Variants in LRP1B observed in about 807,000 individuals in gnomAD.
LRP1B encodes the protein low-density lipoprotein receptor-related protein 1B.
In LRP1B, 217 loss-of-function variants were observed where a neutral mutation model predicts 556.6. The observed-to-expected ratio is 0.39, with a 90% CI of 0.35 to 0.44. The LOEUF is 0.44. Among genes scored for constraint, LRP1B ranks in the 20% least tolerant of loss-of-function variants. LRP1B has a pLI of 1.00. For missense variants in LRP1B, 5,053 were observed against 5,620.8 expected (o/e 0.90, Z 3.23); for synonymous variants, 2,047 against 1,865.8 (o/e 1.10, Z -2.50).
chr2:141,627,888 G>A (rs1377026932), intron 2 of LRP1B, among the ~76,000 whole-genome samples: 1 of 152,238 alleles, frequency 6.6e-6, no homozygotes, highest in Non-Finnish European at 1.5e-5. Flanking sequence ...GGGGAGGTCA[G>A]AAAGTAGAGA....
chr2:140,293,276 A>T lies in LRP1B; in HGVS notation c.12967+4532T>A, dbSNP rs77335472. Among the ~76,000 whole-genome samples the T allele has an allele frequency of 4.7e-3, 711 of 152,308 alleles. 3 individuals carry two copies. Among genetic ancestry groups the T allele is most frequent in the Non-Finnish European group, 7.6e-3 (518 of 68,010 alleles). ...GATATTGGTTAACCTCATGCTTAAC[A>T]CCTAGATTTAAATCCAAAATGTCAT... On this transcript the variant is annotated intron_variant, in intron 84 of 90. Coordinates refer to ENST00000389484, the MANE Select transcript of LRP1B (RefSeq NM_018557.3).
At chr2:141,866,788 A>G (rs945027770) in intron 1 of LRP1B, among the ~76,000 whole-genome samples, 2 of 151,728 alleles carry the variant, frequency 1.3e-5, no homozygotes, top group Non-Finnish European at 2.9e-5. Context: ...ACAGGATATG[A>G]GGTAAGAGAA....
At chr2:141,239,347 A>G (rs534948431) in intron 5 of LRP1B, among the ~76,000 whole-genome samples, 1 of 152,260 alleles carries the variant, frequency 6.6e-6, no homozygotes, top group East Asian at 1.9e-4. Context: ...GCGATTAAAG[A>G]GCAGAGCAAA....
chr2:140,254,108 T>C (rs16843685), intron 86 of LRP1B, among the ~76,000 whole-genome samples: 5,786 of 152,182 alleles, frequency 0.038, 374 homozygotes, highest in African/African-American at 0.13. Context: ...TCCTATTTCT[T>C]AGGGTCTCAG....
intron 43 of LRP1B, among the ~76,000 whole-genome samples, chr2:140,542,680 C>T (rs1056608434): frequency 3.9e-5 from 6 of 152,086 alleles, no homozygotes; most frequent in Non-Finnish European, 8.8e-5. Flanking sequence ...TTATAGGTAG[C>T]AGCACACACA....
chr2:141,771,297 T>A (rs1006272132), intron 2 of LRP1B, among the ~76,000 whole-genome samples: 14 of 152,176 alleles, frequency 9.2e-5, no homozygotes, highest in African/African-American at 3.4e-4. Flanking sequence ...ACAAGGCAGG[T>A]ACCTAACTGC....
At chr2:140,804,044 CA>C (rs953747395) in intron 32 of LRP1B, among the ~76,000 whole-genome samples, 5 of 149,492 alleles carry the variant, frequency 3.3e-5, no homozygotes, top group Admixed American at 1.3e-4. Context: ...TTTTTACATT[CA>C]GGGGAAGAGA....
At chr2:141,122,272 G>A (rs1701072742) in intron 7 of LRP1B, among the ~76,000 whole-genome samples, 1 of 152,022 alleles carries the variant, frequency 6.6e-6, no homozygotes, top group South Asian at 2.1e-4. Flanking sequence ...AAACTAAAGA[G>A]CTTCTGCACA....
chr2:141,553,837 T>C (rs1685850212), intron 2 of LRP1B, among the ~76,000 whole-genome samples: 1 of 137,702 alleles, frequency 7.3e-6, no homozygotes, highest in Admixed American at 7.7e-5. Flanking sequence ...GTATATAATA[T>C]ATCTATATTA....
intron 31 of LRP1B, among the ~76,000 whole-genome samples, chr2:140,831,425 G>A (rs1573777046): frequency 6.6e-6 from 1 of 152,082 alleles, no homozygotes; most frequent in African/African-American, 2.4e-5. Context: ...ATGGTAGAAA[G>A]GACAATATCT....
rs1442978010 is a variant in LRP1B at position 142,044,544 on chromosome 2, A to G, written c.82+86104T>C. Among the ~76,000 whole-genome samples the G allele has an allele frequency of 2.0e-5, 3 of 151,828 alleles. No individual in the cohort carries two copies. In the East Asian group the frequency reaches 5.8e-4, roughly 29 times the overall value. ...AAACACTTATCTGTACTAAGACACTATAAACACATACCTGCTGGCACTTTC... is the reference window on the plus strand; with the variant it reads ...AAACACTTATCTGTACTAAGACACTGTAAACACATACCTGCTGGCACTTTC... On this transcript the variant is annotated intron_variant, in intron 1 of 90. Coordinates refer to ENST00000389484, the MANE Select transcript of LRP1B (RefSeq NM_018557.3).
intron 41 of LRP1B, among the ~76,000 whole-genome samples, chr2:140,615,480 G>A (rs1199700205): frequency 6.6e-6 from 1 of 152,094 alleles, no homozygotes; most frequent in African/African-American, 2.4e-5. Context: ...CTATCTCAGT[G>A]AATCGGCTCT....
At chr2:141,235,063 G>T (rs1338403167) in intron 5 of LRP1B, among the ~76,000 whole-genome samples, 1 of 151,942 alleles carries the variant, frequency 6.6e-6, no homozygotes, top group East Asian at 1.9e-4. Context: ...TATATCAGAA[G>T]AAACTGTTCT....
intron 41 of LRP1B, among the ~76,000 whole-genome samples, chr2:140,618,001 A>C (rs1336636421): frequency 6.6e-6 from 1 of 152,072 alleles, no homozygotes; most frequent in Non-Finnish European, 1.5e-5. Flanking sequence ...GTGTTAAAAG[A>C]AACATTTCTT....
intron 32 of LRP1B, among the ~76,000 whole-genome samples, chr2:140,780,200 C>T (rs1689649923): frequency 6.6e-6 from 1 of 152,064 alleles, no homozygotes; most frequent in Admixed American, 6.5e-5. Flanking sequence ...GAGTAGGAGA[C>T]ATTGCTATTG....
intron 15 of LRP1B, among the ~76,000 whole-genome samples, chr2:140,999,643 G>T (rs927699695): frequency 2.6e-5 from 4 of 151,998 alleles, no homozygotes; most frequent in Non-Finnish European, 5.9e-5. Context: ...CCATAGTTAA[G>T]CATCAATCTG....
intron 1 of LRP1B, among the ~76,000 whole-genome samples, chr2:141,885,222 A>T (rs1009069309): frequency 5.9e-5 from 9 of 152,178 alleles, no homozygotes; most frequent in East Asian, 1.9e-4. Flanking sequence ...TATGAAAGAG[A>T]GTAGATAACA....
At chr2:140,969,398 C>T (rs1418928649) in intron 18 of LRP1B, among the ~76,000 whole-genome samples, 1 of 152,070 alleles carries the variant, frequency 6.6e-6, no homozygotes, top group African/African-American at 2.4e-5. Flanking sequence ...TCCTCCATCC[C>T]TTTATTTTGA....
intron 66 of LRP1B, among the ~76,000 whole-genome samples, chr2:140,437,644 T>C (rs1686244266): frequency 6.6e-6 from 1 of 152,220 alleles, no homozygotes; most frequent in South Asian, 2.1e-4. Context: ...CTTGAAATCA[T>C]GCAACAAACA....
Sources: allele counts gnomAD v4.1 joint callset (sites outside exome capture counted in the v4.1 genomes callset), GRCh38; gene constraint gnomAD v4.1.1; transcripts MANE v1.5; gene names NCBI Gene and HGNC (gene_info 2026-07-23, HGNC 2026-07-21).